SLC4A8: variants seen among roughly 807,000 people sequenced by gnomAD.
The protein encoded by SLC4A8 is solute carrier family 4 member 8.
Under a neutral mutation model 125.0 loss-of-function variants are expected in SLC4A8, and 40 were observed. The observed-to-expected ratio is 0.32, with a 90% CI of 0.25 to 0.42. The LOEUF is 0.42. Among genes scored for constraint, SLC4A8 ranks in the 10% least tolerant of loss-of-function variants. SLC4A8 has a pLI of 1.00. For missense variants in SLC4A8, 863 were observed against 1,355.1 expected, an observed-to-expected ratio of 0.64 and a Z score of 5.70; for synonymous variants, 456 against 476.0, an observed-to-expected ratio of 0.96 and a Z score of 0.55.
intron 1 of SLC4A8, among the ~76,000 whole-genome samples, chr12:51,429,537 C>G (rs149317772): frequency 5.4e-4 from 81 of 150,884 alleles, no homozygotes; most frequent in Non-Finnish European, 1.0e-3. Flanking sequence ...GGGTCTCACT[C>G]TGTTGCCCAG....
intron 1 of SLC4A8, among the ~76,000 whole-genome samples, chr12:51,426,953 T>C (rs1160596836): frequency 6.7e-6 from 1 of 149,854 alleles, no homozygotes; most frequent in Non-Finnish European, 1.5e-5. Flanking sequence ...TTTTTTTTTT[T>C]TTTGAGATGG....
rs188538770 is a variant in SLC4A8 at position 51,508,936 on chromosome 12, C to T, written c.*1498C>T. On this transcript the variant is annotated 3_prime_UTR_variant, in exon 25 of 25. Coordinates refer to ENST00000453097, the MANE Select transcript of SLC4A8 (RefSeq NM_001039960.3). ...GCATTCCTTAGACTTTTAAAATATA[C>T]TAATGTATTCTAGTCTTACTCTAAA... 6.6e-6 allele frequency: 1 copy of T among 152,638 alleles called. No individual in the cohort carries two copies. The highest frequency in any genetic ancestry group is 2.4e-5 in the African/African-American group (1 of 41,558). The allele number at this position is 152,638 out of a possible 1,614,324, so 9.5% of individuals were successfully genotyped here. A position where few individuals can be genotyped will look rare whatever the true frequency, so the allele number is the denominator to read the frequency against.
chr12:51,413,323 T>C (rs1407275670), intron 1 of SLC4A8, among the ~76,000 whole-genome samples: 3 of 152,206 alleles, frequency 2.0e-5, no homozygotes, highest in Non-Finnish European at 4.4e-5. Flanking sequence ...AATTCCTTGT[T>C]GGATGAATAG....
chr12:51,414,857 A>C (rs897303527), intron 1 of SLC4A8, among the ~76,000 whole-genome samples: 1 of 152,146 alleles, frequency 6.6e-6, no homozygotes, highest in Admixed American at 6.5e-5. Context: ...ATATGTTGAG[A>C]GCTTTTATCA....
At chr12:51,476,862 T>C (rs1950869391) in intron 16 of SLC4A8, among the ~76,000 whole-genome samples, 1 of 152,016 alleles carries the variant, frequency 6.6e-6, no homozygotes, top group Non-Finnish European at 1.5e-5. Context: ...ATTTCTGACC[T>C]ATACATGTAT....
At chr12:51,477,127 C>T (rs888591240) in intron 16 of SLC4A8, among the ~76,000 whole-genome samples, 19 of 152,062 alleles carry the variant, frequency 1.2e-4, no homozygotes, top group Admixed American at 7.9e-4. Context: ...TGGTCTCGAA[C>T]TCCCAACCTC....
intron 14 of SLC4A8, among the ~76,000 whole-genome samples, chr12:51,473,128 T>C (rs1478361586): frequency 6.7e-6 from 1 of 149,540 alleles, no homozygotes; most frequent in East Asian, 1.9e-4. Context: ...TTGATAAATG[T>C]ATAATGACAT....
At chr12:51,400,526 GA>G (rs1391036188) in intron 1 of SLC4A8, among the ~76,000 whole-genome samples, 2 of 150,152 alleles carry the variant, frequency 1.3e-5, no homozygotes, top group Non-Finnish European at 3.0e-5. Flanking sequence ...GGTTAGTGAG[GA>G]AAAAACAAAA....
At chr12:51,455,271 TAA>T (rs544910543) in intron 5 of SLC4A8, among the ~76,000 whole-genome samples, 32 of 137,988 alleles carry the variant, frequency 2.3e-4, no homozygotes, top group African/African-American at 2.9e-4. Context: ...CCCTGTCTCT[TAA>T]AAAAAAAAAA....
chr12:51,499,245 A>C (rs187367726), intron 22 of SLC4A8, among the ~76,000 whole-genome samples: 1 of 152,316 alleles, frequency 6.6e-6, no homozygotes, highest in East Asian at 1.9e-4. Context: ...AAACATAGGG[A>C]ATATAAAATG....
At position 51,494,999 on chromosome 12, in the gene SLC4A8, A is replaced by T. The variant is rs1951423926; in HGVS notation, c.2824A>T (p.Ile942Phe). ...GMPAKHQPDF[I>F]YLRHVPLRKV... ...GCCCGCAAAGCACCAGCCAGATTTC[A>T]TCTACCTGCGGCATGTGCCGCTGCG... The change falls in exon 21 of 25, where the codon ATC becomes TTC. Residue 942 changes from isoleucine to phenylalanine, a missense_variant. This residue lies in a region of SLC4A8 where 197 missense variants were observed against 377.7 expected (regional missense o/e 0.52). Coordinates refer to ENST00000453097, the MANE Select transcript of SLC4A8 (RefSeq NM_001039960.3). 6.2e-7 allele frequency: 1 copy of T among 1,614,080 alleles called. No individual in the cohort carries two copies. Among genetic ancestry groups the T allele is most frequent in the South Asian group, 1.1e-5 (1 of 91,082 alleles).
At chr12:51,463,786 T>G (rs1314105211) in intron 11 of SLC4A8, 72 bp downstream of exon 11, 2 of 1,032,120 alleles carry the variant, frequency 1.9e-6, no homozygotes, top group Admixed American at 2.1e-5. Flanking sequence ...AGGCATCTTC[T>G]TTCTTTCAGC....
chr12:51,489,844 G>C lies in SLC4A8; in HGVS notation c.2593G>C (p.Ala865Pro). The C allele has an allele frequency of 6.2e-7, 1 of 1,614,206 alleles. No individual in the cohort carries two copies. Among genetic ancestry groups the C allele is most frequent in the Non-Finnish European group, 8.5e-7 (1 of 1,180,040 alleles). Residue 865 changes from alanine to proline, a missense_variant, in exon 19 of 25, where the codon GCT becomes CCT. Around this residue, in one of 6 missense-constraint regions of SLC4A8, gnomAD observed 197 missense variants for 377.7 expected, o/e 0.52. Transcript: ENST00000453097. ...CCTCAAGCTAGAATCTGAATGCTCT[G>C]CTCCTGGAGAACAGCCCAAGTTCCT... Reference protein sequence around the residue: ...NSLKLESECSAPGEQPKFLGI... With the variant: ...NSLKLESECSPPGEQPKFLGI...
At chr12:51,479,461 T>G (rs1950954243) in intron 16 of SLC4A8, among the ~76,000 whole-genome samples, 1 of 151,814 alleles carries the variant, frequency 6.6e-6, no homozygotes, top group Non-Finnish European at 1.5e-5. Context: ...CCAAGGTGGG[T>G]GGATTGCTTG....
At position 51,494,955 on chromosome 12, in the gene SLC4A8, G is replaced by A. The variant is rs894076715; in HGVS notation, c.2780G>A (p.Arg927His). The A allele has an allele frequency of 2.5e-6, 4 of 1,613,868 alleles. No homozygotes were observed. The highest frequency in any genetic ancestry group is 3.4e-6 in the Non-Finnish European group (4 of 1,179,828). ...GTTCCTTCCTTTCAGTTCTTTGATC[G>A]TCTAAAGCTCTTTGGGATGCCCGCA... ...SSLQGIQFFDRLKLFGMPAKH... is the reference protein window; with the variant it reads ...SSLQGIQFFDHLKLFGMPAKH... Residue 927 changes from arginine to histidine, a missense_variant, in exon 21 of 25, where the codon CGT becomes CAT. Arg to His is a conservative substitution (Grantham distance 29). Transcript: ENST00000453097.
At chr12:51,445,629 A>G (rs1949750912) in intron 2 of SLC4A8, among the ~76,000 whole-genome samples, 1 of 151,874 alleles carries the variant, frequency 6.6e-6, no homozygotes, top group South Asian at 2.1e-4. Context: ...AGCTCTGCAC[A>G]TTCCCACCTT....
chr12:51,425,504 C>A, intron 1 of SLC4A8: 1 of 879,554 alleles, frequency 1.1e-6, no homozygotes, highest in Non-Finnish European at 1.4e-6. Flanking sequence ...ACTCTGGAGG[C>A]TGGGACCAAT....
chr12:51,399,182 T>G (rs1315279628), intron 1 of SLC4A8, among the ~76,000 whole-genome samples: 2 of 152,252 alleles, frequency 1.3e-5, no homozygotes, highest in Non-Finnish European at 2.9e-5. Context: ...TGAGTCCAGA[T>G]GTTTAATGTC....
Position 51,470,471 on chromosome 12 carries a change from T to G in SLC4A8, c.1604T>G (p.Leu535Arg). 1 of 1,613,554 alleles carries G rather than the reference T, an allele frequency of 6.2e-7. No individual in the cohort carries two copies. Among genetic ancestry groups the G allele is most frequent in the South Asian group, 1.1e-5 (1 of 91,078 alleles). ...TTTGCGGGACAGGCTCTCACCATCC[T>G]GGGAAGTACTGGACCAGTGCTTGTG... is the stretch of plus-strand genomic sequence containing the variant. ...SLFAGQALTI[L>R]GSTGPVLVFE... The change falls in exon 13 of 25, where the codon CTG (leucine) becomes CGG (arginine). Residue 535 changes from leucine to arginine, a missense_variant. By Grantham distance (102) the Leu-to-Arg change is moderately radical. Transcript: ENST00000453097.
Sources: gnomAD v4.1 joint callset for allele counts (sites outside exome capture counted in the v4.1 genomes callset) on GRCh38, gnomAD v4.1.1 for gene constraint, gnomAD v4.1.1 regional missense constraint, MANE v1.5 for transcripts, NCBI Gene and HGNC (gene_info 2026-07-23, HGNC 2026-07-21) for gene names.